ARHGAP20: variants seen among roughly 807,000 people sequenced by gnomAD.
The protein encoded by ARHGAP20 is Rho GTPase activating protein 20.
A neutral mutation model predicts 73.7 loss-of-function variants in ARHGAP20; 34 were observed. The ratio of observed to expected loss-of-function variants is 0.46; its 90% confidence interval spans 0.35 to 0.61. The LOEUF (loss-of-function observed/expected upper bound fraction) is 0.61. Ranked by LOEUF, ARHGAP20 falls within the 20% of genes least tolerant of loss-of-function variation. ARHGAP20 has a pLI of 0.00. For synonymous variants in ARHGAP20, 523 were observed against 518.2 expected, an observed-to-expected ratio of 1.01 and a Z score of -0.13; for missense variants, 1,314 against 1,420.9, an observed-to-expected ratio of 0.92 and a Z score of 1.21.
intron 9 of ARHGAP20, among the ~76,000 whole-genome samples, chr11:110,598,280 T>C (rs74730731): frequency 1.1e-3 from 171 of 152,198 alleles, no homozygotes; most frequent in African/African-American, 3.8e-3. Flanking sequence ...TCAATTCCAG[T>C]TCAGTCCTAG....
At position 110,580,119 on chromosome 11, in the gene ARHGAP20, T is replaced by A; in HGVS notation, c.2827A>T (p.Thr943Ser). 1 of 1,614,164 alleles carries A rather than the reference T, an allele frequency of 6.2e-7. No individual in the cohort carries two copies. Among genetic ancestry groups the A allele is most frequent in the Non-Finnish European group, 8.5e-7 (1 of 1,180,024 alleles). ...TSYSSLSSPG[T>S]SPSGSSVSSQ... The stretch of plus-strand genomic sequence containing the variant: ...CTTACTGATGAGCCGGATGGGGAAG[T>A]GCCTGGGGAGGATAAGCTGGAATAG... The change falls in exon 15 of 15, where the codon ACT (threonine) becomes TCT (serine). Residue 943 changes from threonine to serine, a missense_variant. By Grantham distance (58) the Thr-to-Ser change is moderately conservative. This residue lies in a region of ARHGAP20 where 641 missense variants were observed against 636.9 expected (regional missense o/e 1.01). Transcript: ENST00000683387.
rs762008348 is a variant in ARHGAP20, at chr11:110,609,041, T to C, written c.718A>G (p.Arg240Gly). Residue 240 changes from arginine (R) to glycine (G), a missense_variant, in exon 8 of 15, where the codon AGA becomes GGA. Physicochemically the swap from Arg to Gly is moderately radical, Grantham distance 125. Coordinates refer to ENST00000683387, the MANE Select transcript of ARHGAP20 (RefSeq NM_001384657.1). ...GAATTGACCCACAACTGGTAATCTC[T>C]CTCAGAGCCCTTAGAGATAAAAGAG... The part of the protein sequence containing the change: ...LPMLGITGSE[R>G]DYQLWVNSGK... The C allele has an allele frequency of 6.8e-6, 11 of 1,613,274 alleles. No individual in the cohort carries two copies. Among genetic ancestry groups the C allele is most frequent in the Non-Finnish European group, 9.3e-6 (11 of 1,179,486 alleles).
rs189411137 is a variant in ARHGAP20, at chr11:110,660,993, A to G, written c.188+29554T>C. 2.9e-3 allele frequency among the ~76,000 whole-genome samples: 437 copies of G among 152,330 alleles called. 2 individuals are homozygous for G. Among genetic ancestry groups the G allele is most frequent in the Non-Finnish European group, 2.7e-3 (181 of 68,030 alleles). On this transcript the variant is annotated intron_variant, in intron 2 of 14. Coordinates refer to ENST00000683387, the MANE Select transcript of ARHGAP20 (RefSeq NM_001384657.1). ...AACTGACTGCAGAGTTCTATGCCAC[A>G]GATTCTGATGCTCAGTTCAGAAGTT... is the stretch of plus-strand genomic sequence containing the variant.
intron 2 of ARHGAP20, among the ~76,000 whole-genome samples, chr11:110,686,721 A>G (rs1381430911): frequency 6.6e-6 from 1 of 152,072 alleles, no homozygotes; most frequent in African/African-American, 2.4e-5. Flanking sequence ...CTACAATTTT[A>G]AAAAAGAGTG....
chr11:110,598,574 A>C (rs139258575), intron 9 of ARHGAP20, among the ~76,000 whole-genome samples: 138 of 152,334 alleles, frequency 9.1e-4, no homozygotes, highest in African/African-American at 2.9e-3. Context: ...TAAACAGATA[A>C]TCATAATGTG....
At chr11:110,635,449 G>A (rs750986847) in intron 2 of ARHGAP20, among the ~76,000 whole-genome samples, 1 of 152,002 alleles carries the variant, frequency 6.6e-6, no homozygotes, top group Non-Finnish European at 1.5e-5. Flanking sequence ...AGTCTACAAC[G>A]CATTCTAGCT....
At chr11:110,585,904 T>C (rs1947651951) in intron 12 of ARHGAP20, among the ~76,000 whole-genome samples, 1 of 152,166 alleles carries the variant, frequency 6.6e-6, no homozygotes. Context: ...GTGAATGCAA[T>C]ATATGATGAG....
chr11:110,697,686 T>C (rs1180273870), intron 1 of ARHGAP20, among the ~76,000 whole-genome samples: 1 of 151,958 alleles, frequency 6.6e-6, no homozygotes, highest in Admixed American at 6.6e-5. Flanking sequence ...AGGATGTCCT[T>C]TCCCCATTGT....
intron 12 of ARHGAP20, among the ~76,000 whole-genome samples, chr11:110,585,029 ATATATGTG>A (rs1380987669): frequency 1.9e-4 from 27 of 139,374 alleles, no homozygotes; most frequent in Non-Finnish European, 3.3e-4. Flanking sequence ...ATATATGTGA[ATATATGTG>A]AATATATATG....
chr11:110,711,428 C>T (rs1397671412), intron 1 of ARHGAP20, among the ~76,000 whole-genome samples: 2 of 149,524 alleles, frequency 1.3e-5, no homozygotes, highest in Non-Finnish European at 3.0e-5. Flanking sequence ...CCCCACCCTG[C>T]TCGGTTCTAG....
At chr11:110,627,524 G>A (rs1948771594) in intron 3 of ARHGAP20, among the ~76,000 whole-genome samples, 1 of 152,258 alleles carries the variant, frequency 6.6e-6, no homozygotes, top group South Asian at 2.1e-4. Flanking sequence ...CAGGATTCCA[G>A]GGAGATTTCT....
intron 2 of ARHGAP20, among the ~76,000 whole-genome samples, chr11:110,665,250 C>T (rs963806941): frequency 1.1e-4 from 16 of 151,798 alleles, no homozygotes; most frequent in Admixed American, 6.6e-4. Flanking sequence ...TATTAGAAAA[C>T]ACAAAAGGTC....
At chr11:110,678,912 C>T (rs1949985534) in intron 2 of ARHGAP20, among the ~76,000 whole-genome samples, 1 of 152,104 alleles carries the variant, frequency 6.6e-6, no homozygotes, top group South Asian at 2.1e-4. Flanking sequence ...CAATTCCACC[C>T]GCCTTGGCCT....
intron 11 of ARHGAP20, among the ~76,000 whole-genome samples, chr11:110,589,230 T>G (rs1947757035): frequency 6.6e-6 from 1 of 152,256 alleles, no homozygotes; most frequent in Non-Finnish European, 1.5e-5. Context: ...ATATTTTTAT[T>G]GTGTTCCAGG....
In ARHGAP20 at chr11:110,580,365, T is replaced by A. The variant is rs1321513411; in HGVS notation, c.2581A>T (p.Arg861Trp). The change falls in exon 15 of 15, where the codon AGG becomes TGG. Residue 861 changes from arginine (R) to tryptophan (W), a missense_variant. Coordinates refer to ENST00000683387, the MANE Select transcript of ARHGAP20 (RefSeq NM_001384657.1). ...TGTTGTTTCTTTGAATAAATTCCCC[T>A]GAGATAGGTCAGCTTGCGGTTCTGG... is the stretch of plus-strand genomic sequence containing the variant. ...EDQNRKLTYL[R>W]GIYSKKQHKT... 2 of 1,613,188 alleles carry A rather than the reference T, an allele frequency of 1.2e-6. No individual in the cohort carries two copies. The highest frequency in any genetic ancestry group is 2.2e-5 in the East Asian group (1 of 44,858).
chr11:110,675,011 C>T (rs1949903448), intron 2 of ARHGAP20, among the ~76,000 whole-genome samples: 1 of 152,172 alleles, frequency 6.6e-6, no homozygotes, highest in Non-Finnish European at 1.5e-5. Context: ...TGGTGGTTTG[C>T]TGCACCCATC....
intron 2 of ARHGAP20, among the ~76,000 whole-genome samples, chr11:110,648,192 A>AATATATATATATATGTAAAT (rs1949249588): frequency 4.2e-5 from 5 of 120,266 alleles, no homozygotes; most frequent in Non-Finnish European, 8.4e-5. Flanking sequence ...TATATATGTA[A>AATATATATATATATGTAAAT]ATATATATAT....
At chr11:110,710,536 A>T (rs545384580) in intron 1 of ARHGAP20, among the ~76,000 whole-genome samples, 18 of 152,332 alleles carry the variant, frequency 1.2e-4, no homozygotes, top group African/African-American at 4.3e-4. Context: ...AAGTTTTAAA[A>T]TTTATGTCAG....
chr11:110,644,221 C>A (rs1949136586), intron 2 of ARHGAP20, among the ~76,000 whole-genome samples: 1 of 152,176 alleles, frequency 6.6e-6, no homozygotes, highest in South Asian at 2.1e-4. Flanking sequence ...TTAAAATGGC[C>A]ATGCTGCCCA....
Sources: allele counts gnomAD v4.1 joint callset (sites outside exome capture counted in the v4.1 genomes callset), GRCh38; gene constraint gnomAD v4.1.1; regional missense constraint gnomAD v4.1.1; transcripts MANE v1.5; gene names NCBI Gene and HGNC (gene_info 2026-07-23, HGNC 2026-07-21).